Variants in GABRG3 observed in about 807,000 individuals in gnomAD.
The protein encoded by GABRG3 is gamma-aminobutyric acid type A receptor subunit gamma3.
GABRG3 carries 25 observed loss-of-function variants against 48.8 expected under a neutral mutation model. That is an observed-to-expected ratio of 0.51 (90% CI 0.37 to 0.72). The LOEUF (loss-of-function observed/expected upper bound fraction) is 0.72, where lower values mean the gene tolerates loss of function less well. Among genes scored for constraint, GABRG3 ranks in the 30% least tolerant of loss-of-function variants. GABRG3 has a pLI of 0.00. For missense variants in GABRG3, 394 were observed against 577.9 expected, an observed-to-expected ratio of 0.68 and a Z score of 3.26; for synonymous variants, 227 against 217.6, an observed-to-expected ratio of 1.04 and a Z score of -0.38.
At chr15:27,154,919 T>C (rs2140398877) in intron 3 of GABRG3, among the ~76,000 whole-genome samples, 1 of 152,284 alleles carries the variant, frequency 6.6e-6, no homozygotes, top group East Asian at 1.9e-4. Context: ...ATTATATTTT[T>C]AATATTTGGT....
chr15:27,304,677 A>T (rs1270529440), intron 3 of GABRG3, among the ~76,000 whole-genome samples: 1 of 151,966 alleles, frequency 6.6e-6, no homozygotes, highest in African/African-American at 2.4e-5. Context: ...TTTTTCTCTT[A>T]CATGGGCCTC....
chr15:27,234,972 G>T (rs1291407033), intron 3 of GABRG3, among the ~76,000 whole-genome samples: 1 of 152,092 alleles, frequency 6.6e-6, no homozygotes, highest in Non-Finnish European at 1.5e-5. Flanking sequence ...CTGTGGTCTG[G>T]TCCACTCTCC....
At chr15:27,076,856 A>C (rs984817135) in intron 3 of GABRG3, among the ~76,000 whole-genome samples, 1 of 152,140 alleles carries the variant, frequency 6.6e-6, no homozygotes, top group Admixed American at 6.5e-5. Context: ...TTGATTTAGG[A>C]TCTCTGGTGT....
At chr15:27,400,104 T>C (rs995621315) in intron 5 of GABRG3, among the ~76,000 whole-genome samples, 1 of 152,250 alleles carries the variant, frequency 6.6e-6, no homozygotes, top group Non-Finnish European at 1.5e-5. Context: ...AGCTAATGCC[T>C]GATTTTTCAG....
chr15:27,229,637 C>T (rs546631614), intron 3 of GABRG3, among the ~76,000 whole-genome samples: 187 of 152,094 alleles, frequency 1.2e-3, no homozygotes, highest in Non-Finnish European at 1.9e-3. Context: ...CCACCACGCC[C>T]GGCTAATTTT....
At chr15:27,151,047 G>A (rs531389666) in intron 3 of GABRG3, among the ~76,000 whole-genome samples, 2 of 152,142 alleles carry the variant, frequency 1.3e-5, no homozygotes, top group Admixed American at 6.6e-5. Flanking sequence ...GATAGCTGTA[G>A]CTTTATATAC....
intron 3 of GABRG3, among the ~76,000 whole-genome samples, chr15:27,184,130 G>A (rs1888019118): frequency 6.6e-6 from 1 of 152,170 alleles, no homozygotes; most frequent in South Asian, 2.1e-4. Flanking sequence ...AAGTTTTAGC[G>A]AAGTGACAAG....
chr15:27,188,497 A>T (rs1050062680), intron 3 of GABRG3, among the ~76,000 whole-genome samples: 1 of 151,676 alleles, frequency 6.6e-6, no homozygotes, highest in Non-Finnish European at 1.5e-5. Context: ...GCATTTTTTC[A>T]TGTGTTTTTT....
At chr15:27,473,491 C>T (rs1243737695) in intron 5 of GABRG3, among the ~76,000 whole-genome samples, 1 of 152,146 alleles carries the variant, frequency 6.6e-6, no homozygotes, top group Non-Finnish European at 1.5e-5. Flanking sequence ...TTTGACCAGC[C>T]ACTGAAATTA....
chr15:27,448,825 G>A (rs894347849), intron 5 of GABRG3, among the ~76,000 whole-genome samples: 1 of 137,756 alleles, frequency 7.3e-6, no homozygotes, highest in Non-Finnish European at 1.5e-5. Flanking sequence ...AATAAGTTAC[G>A]AAGTTATTTA....
At chr15:27,149,790 GAA>G (rs1898276866) in intron 3 of GABRG3, among the ~76,000 whole-genome samples, 2 of 152,120 alleles carry the variant, frequency 1.3e-5, no homozygotes, top group Admixed American at 6.5e-5. Context: ...ATTTACTGGG[GAA>G]AAATAGTCTG....
chr15:27,369,592 C>T lies in GABRG3; in HGVS notation c.574+40704C>T, dbSNP rs142964957. The stretch of plus-strand genomic sequence containing the variant: ...CAACACTTTGGGAGGCCAAGGTGGG[C>T]GGATCATGAGGTCAGGAGATCGAGA... On this transcript the variant is annotated intron_variant, in intron 5 of 9. Coordinates refer to ENST00000615808, the MANE Select transcript of GABRG3 (RefSeq NM_033223.5). Among the ~76,000 whole-genome samples the T allele has an allele frequency of 8.6e-3, 1,301 of 151,972 alleles. 17 individuals are homozygous for T. Among genetic ancestry groups the T allele is most frequent in the African/African-American group, 0.029 (1,206 of 41,468 alleles).
At chr15:27,239,622 C>G (rs1284335212) in intron 3 of GABRG3, among the ~76,000 whole-genome samples, 1 of 152,042 alleles carries the variant, frequency 6.6e-6, no homozygotes, top group Admixed American at 6.6e-5. Flanking sequence ...TAATAAACAT[C>G]TATTAAGTGT....
intron 3 of GABRG3, among the ~76,000 whole-genome samples, chr15:27,134,423 A>G (rs1897972084): frequency 6.6e-6 from 1 of 152,140 alleles, no homozygotes; most frequent in East Asian, 1.9e-4. Flanking sequence ...TCCCTTTTTT[A>G]GAAACACCCT....
chr15:27,137,672 T>C (rs556586986), intron 3 of GABRG3, among the ~76,000 whole-genome samples: 94 of 135,058 alleles, frequency 7.0e-4, no homozygotes, highest in African/African-American at 2.2e-3. Flanking sequence ...CCCTAACTTA[T>C]CTCTGTTTTC....
rs535564574 is a variant in GABRG3, at chr15:27,447,967, T to C, written c.575-32683T>C. Among the ~76,000 whole-genome samples, 12 of 152,258 alleles carry C rather than the reference T, an allele frequency of 7.9e-5. No homozygotes were observed. The South Asian group carries it at 2.3e-3, about 29-fold the overall frequency. ...TATACCTATGTAGCAAACCTGTATG[T>C]TCTGCACATGTATCCCAGAACTTAA... On this transcript the variant is annotated intron_variant, in intron 5 of 9. Coordinates refer to ENST00000615808, the MANE Select transcript of GABRG3 (RefSeq NM_033223.5). The surrounding 1 kb of genome is among the most constrained non-coding windows in gnomAD (Gnocchi z 4.0).
chr15:27,452,520 A>G (rs1452060187), intron 5 of GABRG3, among the ~76,000 whole-genome samples: 1 of 152,228 alleles, frequency 6.6e-6, no homozygotes, highest in Non-Finnish European at 1.5e-5. Context: ...AAAACAGTCA[A>G]TTAACACACA....
intron 3 of GABRG3, among the ~76,000 whole-genome samples, chr15:27,223,241 G>C (rs530501846): frequency 1.3e-5 from 2 of 152,188 alleles, no homozygotes; most frequent in Non-Finnish European, 2.9e-5. Context: ...TTAATAATTA[G>C]AATATATTTT....
intron 5 of GABRG3, chr15:27,365,621 C>T (rs1052072137): frequency 1.3e-5 from 2 of 152,196 alleles, no homozygotes; most frequent in African/African-American, 4.8e-5. Flanking sequence ...GACTCGTCCC[C>T]TAACTGGTGA....
Sources: gnomAD v4.1 joint callset for allele counts (sites outside exome capture counted in the v4.1 genomes callset) on GRCh38, gnomAD v4.1.1 for gene constraint, Gnocchi (gnomAD v3.1) non-coding constraint, MANE v1.5 for transcripts, NCBI Gene and HGNC (gene_info 2026-07-23, HGNC 2026-07-21) for gene names.